FRMD5: variants seen among roughly 807,000 people sequenced by gnomAD.
FRMD5 encodes the protein FERM domain containing 5, also known as FERM domain-containing protein 5.
FRMD5 carries 20 observed loss-of-function variants against 69.0 expected under a neutral mutation model. That is an observed-to-expected ratio of 0.29 (90% CI 0.20 to 0.42). FRMD5 has a LOEUF of 0.42. FRMD5 is among the 10% of genes least tolerant of loss of function. FRMD5 has a pLI of 1.00. For synonymous variants in FRMD5, 271 were observed against 260.1 expected (o/e 1.04, Z -0.40); for missense variants, 595 against 708.6 (o/e 0.84, Z 1.82).
intron 1 of FRMD5, among the ~76,000 whole-genome samples, chr15:43,929,580 C>T (rs1326815844): frequency 1.3e-5 from 2 of 152,116 alleles, no homozygotes; most frequent in South Asian, 2.1e-4. Flanking sequence ...CTTGGTTTCA[C>T]GGGCCCTTAG....
At chr15:43,920,816 T>C (rs149652890) in intron 2 of FRMD5, among the ~76,000 whole-genome samples, 2 of 152,312 alleles carry the variant, frequency 1.3e-5, no homozygotes, top group East Asian at 3.9e-4. Flanking sequence ...TTCCTTCTTT[T>C]CTGGCTACTT....
chr15:44,090,367 G>A (rs1024345890), intron 1 of FRMD5, among the ~76,000 whole-genome samples: 3 of 151,790 alleles, frequency 2.0e-5, no homozygotes, highest in Non-Finnish European at 4.4e-5. Flanking sequence ...AGCCACAATA[G>A]CTAGCTCAAT....
intron 1 of FRMD5, among the ~76,000 whole-genome samples, chr15:43,971,172 G>A (rs1043169871): frequency 6.6e-6 from 1 of 151,942 alleles, no homozygotes; most frequent in Non-Finnish European, 1.5e-5. Flanking sequence ...CCCGGGAGGT[G>A]GAGGTTGCAG....
intron 13 of FRMD5, among the ~76,000 whole-genome samples, chr15:43,875,036 A>G (rs945294599): frequency 6.6e-6 from 1 of 152,180 alleles, no homozygotes; most frequent in Non-Finnish European, 1.5e-5. Context: ...CGTCTGTACT[A>G]AAAATACAAA....
intron 1 of FRMD5, among the ~76,000 whole-genome samples, chr15:44,051,140 T>A (rs1892644759): frequency 4.3e-5 from 3 of 69,780 alleles, no homozygotes; most frequent in East Asian, 5.8e-4. Flanking sequence ...ATTCAGTCAC[T>A]TTTTTTTTTT....
intron 1 of FRMD5, among the ~76,000 whole-genome samples, chr15:44,074,022 T>C (rs1463592011): frequency 6.6e-6 from 1 of 152,170 alleles, no homozygotes. Context: ...AAGGCCTCAT[T>C]CTAGAATACC....
At chr15:43,926,847 C>T (rs1354694988) in intron 1 of FRMD5, among the ~76,000 whole-genome samples, 2 of 149,848 alleles carry the variant, frequency 1.3e-5, no homozygotes, top group Non-Finnish European at 3.0e-5. Flanking sequence ...ACCCACTGAA[C>T]CCAATGTGTG....
chr15:43,949,494 T>C (rs185049944), intron 1 of FRMD5, among the ~76,000 whole-genome samples: 195 of 152,346 alleles, frequency 1.3e-3, no homozygotes, highest in Non-Finnish European at 2.2e-3. Context: ...GGAGTCTTGC[T>C]GATAGATGCT....
intron 1 of FRMD5, among the ~76,000 whole-genome samples, chr15:44,173,407 G>T (rs1202103600): frequency 6.6e-6 from 1 of 152,118 alleles, no homozygotes; most frequent in Non-Finnish European, 1.5e-5. Context: ...GAAAGAGGAG[G>T]AGGGGGACTA....
At chr15:44,163,225 G>T (rs1042133808) in intron 1 of FRMD5, among the ~76,000 whole-genome samples, 1 of 152,146 alleles carries the variant, frequency 6.6e-6, no homozygotes, top group Non-Finnish European at 1.5e-5. Flanking sequence ...GCATCTTTCA[G>T]CTCTTATATT....
chr15:44,099,808 A>G (rs2076610440), intron 1 of FRMD5, among the ~76,000 whole-genome samples: 1 of 152,204 alleles, frequency 6.6e-6, no homozygotes, highest in Non-Finnish European at 1.5e-5. Context: ...CACTAGAAAT[A>G]CATCTGAACA....
chr15:44,061,711 G>C (rs1893094809), intron 1 of FRMD5, among the ~76,000 whole-genome samples: 1 of 152,162 alleles, frequency 6.6e-6, no homozygotes, highest in Non-Finnish European at 1.5e-5. Flanking sequence ...ATAAGCTGGG[G>C]TGGGTGGTTA....
At chr15:44,031,582 CT>C (rs1891684771) in intron 1 of FRMD5, among the ~76,000 whole-genome samples, 1 of 152,090 alleles carries the variant, frequency 6.6e-6, no homozygotes, top group African/African-American at 2.4e-5. Flanking sequence ...ATCATGAGTA[CT>C]CTATCCTCAT....
intron 1 of FRMD5, among the ~76,000 whole-genome samples, chr15:43,935,617 TAG>T (rs1323538232): frequency 6.6e-6 from 1 of 152,092 alleles, no homozygotes. Context: ...TGCAGTGTGA[TAG>T]AGAGAGCAAA....
chr15:44,090,763 C>G (rs1259349092), intron 1 of FRMD5, among the ~76,000 whole-genome samples: 5 of 152,232 alleles, frequency 3.3e-5, no homozygotes, highest in Non-Finnish European at 5.9e-5. Context: ...TTTCTTCTGA[C>G]AATGTGCATG....
chr15:43,986,365 G>C (rs927726267), intron 1 of FRMD5, among the ~76,000 whole-genome samples: 2 of 152,164 alleles, frequency 1.3e-5, no homozygotes, highest in South Asian at 2.1e-4. Flanking sequence ...ATGTAAATAG[G>C]GTTATAGAAG....
chr15:44,178,178 G>C (rs1024716250), intron 1 of FRMD5, among the ~76,000 whole-genome samples: 1 of 152,038 alleles, frequency 6.6e-6, no homozygotes, highest in South Asian at 2.1e-4. Flanking sequence ...ACAAAAATTT[G>C]CCAGGCATGG....
At chr15:44,034,438 G>A (rs1891821542) in intron 1 of FRMD5, among the ~76,000 whole-genome samples, 1 of 152,080 alleles carries the variant, frequency 6.6e-6, no homozygotes. Flanking sequence ...TCTACACTTG[G>A]GTTCACGGAC....
chr15:43,893,131 A>AC (rs59197256), intron 7 of FRMD5, among the ~76,000 whole-genome samples: 4,386 of 151,402 alleles, frequency 0.029, 122 homozygotes, highest in Admixed American at 0.1. Flanking sequence ...GAAAAAACAA[A>AC]AAAAAAAAAA....
Sources: gnomAD v4.1 joint callset for allele counts (sites outside exome capture counted in the v4.1 genomes callset) on GRCh38, gnomAD v4.1.1 for gene constraint, MANE v1.5 for transcripts, NCBI Gene and HGNC (gene_info 2026-07-23, HGNC 2026-07-21) for gene names.